The following CACNA1G variants were observed in gnomAD, a reference collection of about 807,000 sequenced individuals.
CACNA1G encodes the protein calcium voltage-gated channel subunit alpha1 G.
CACNA1G carries 67 observed loss-of-function variants against 219.4 expected under a neutral mutation model. The observed-to-expected ratio is 0.31, with a 90% confidence interval of 0.25 to 0.37. CACNA1G has a LOEUF of 0.37. CACNA1G is among the 10% of genes least tolerant of loss of function. The pLI, the probability that CACNA1G is intolerant of heterozygous loss-of-function variation, is 1.00. For missense variants in CACNA1G, 2,380 were observed against 3,231.4 expected (o/e 0.74, Z 6.39); for synonymous variants, 1,296 against 1,345.3 (o/e 0.96, Z 0.80).
chr17:50,563,126 T>G (rs927093695), intron 1 of CACNA1G: 1 of 152,388 alleles, frequency 6.6e-6, no homozygotes, highest in African/African-American at 2.4e-5. Context: ...GCCCTCACTC[T>G]CTGCAGCTCT....
intron 26 of CACNA1G, among the ~76,000 whole-genome samples, chr17:50,614,487 G>A: frequency 6.6e-6 from 1 of 152,176 alleles, no homozygotes; most frequent in East Asian, 1.9e-4. Context: ...CTGGAAGAGG[G>A]CCCCCCTGAA....
intron 7 of CACNA1G, chr17:50,573,572 T>A (rs1188241923): frequency 6.5e-6 from 1 of 154,956 alleles, no homozygotes; most frequent in Admixed American, 6.3e-5. Flanking sequence ...TTCTGTTTTT[T>A]TGTAAGGACA....
intron 7 of CACNA1G, among the ~76,000 whole-genome samples, chr17:50,574,569 C>T (rs1244527571): frequency 6.6e-6 from 1 of 152,134 alleles, no homozygotes; most frequent in Non-Finnish European, 1.5e-5. Flanking sequence ...ATGTGCCCCC[C>T]CCACCCCCAC....
In CACNA1G at chr17:50,617,665, G is replaced by T. The variant is rs2050871170; in HGVS notation, c.5155+94G>T. ...TTTGTGGCTGGTCAAGGCCTGGGCG[G>T]CTGTGGGTTCCCATGGGTCTTTCTC... On this transcript the variant is annotated intron_variant, in intron 29 of 37. Coordinates refer to ENST00000359106, the MANE Select transcript of CACNA1G (RefSeq NM_018896.5). This position sits in a 1 kb window ranked among gnomAD's most constrained non-coding sequence, Gnocchi z 5.8. 6 of 1,506,774 alleles carry T rather than the reference G, an allele frequency of 4.0e-6. No homozygotes were observed. The Admixed American group carries it at 1.2e-4, about 30-fold the overall frequency. The allele number at this position is 1,506,774 out of a possible 1,614,324, so 93.3% of individuals were successfully genotyped here.
chr17:50,561,741 G>A (rs757166143), intron 1 of CACNA1G, 40 bp downstream of exon 1: 12 of 1,516,064 alleles, frequency 7.9e-6, no homozygotes, highest in African/African-American at 1.4e-5. Flanking sequence ...GGGGTCAGAA[G>A]GGGGACGGGC....
Position 50,617,596 on chromosome 17 carries a change from C to T in CACNA1G, c.5155+25C>T. The T allele has an allele frequency of 6.2e-7, 1 of 1,611,182 alleles. No individual in the cohort carries two copies. The highest frequency in any genetic ancestry group is 1.3e-5 in the African/African-American group (1 of 75,010). ...GGTTGGTGCCCAGCCCACGCACCTGCCCTCCTAGGGTGACCAGCCCAGGGA... is the reference window on the plus strand; with the variant it reads ...GGTTGGTGCCCAGCCCACGCACCTGTCCTCCTAGGGTGACCAGCCCAGGGA... On this transcript the variant is annotated intron_variant, in intron 29 of 37. Transcript: ENST00000359106. This position sits in a 1 kb window ranked among gnomAD's most constrained non-coding sequence, Gnocchi z 5.8.
intron 25 of CACNA1G, among the ~76,000 whole-genome samples, chr17:50,608,970 C>A (rs1458339300): frequency 1.3e-5 from 2 of 152,152 alleles, no homozygotes; most frequent in African/African-American, 4.8e-5. Context: ...TTTATCTAAG[C>A]CTTTGTGTGT....
Position 50,594,640 on chromosome 17 carries a change from C to T in CACNA1G, c.2911-353C>T, listed in dbSNP as rs1478966360. On this transcript the variant is annotated intron_variant, in intron 13 of 37. Coordinates refer to ENST00000359106, the MANE Select transcript of CACNA1G (RefSeq NM_018896.5). ...TGTAAGATGGCGATCCTGGAACCCA[C>T]TTCCTACCTTGCAAGGAAGCCAGCT... Among the ~76,000 whole-genome samples the T allele has an allele frequency of 3.3e-5, 5 of 152,304 alleles. No individual in the cohort carries two copies. The South Asian group carries it at 6.2e-4, about 19-fold the overall frequency.
rs577819505 is a variant in CACNA1G at position 50,590,356 on chromosome 17, C to T, written c.2302-115C>T. 4.3e-5 allele frequency: 51 copies of T among 1,194,488 alleles called. No individual in the cohort carries two copies. The African/African-American group carries it at 6.8e-4, about 16-fold the overall frequency. The allele number at this position is 1,194,488 out of a possible 1,614,324, so 74.0% of individuals were successfully genotyped here. A position where few individuals can be genotyped will look rare whatever the true frequency, so the allele number is the denominator to read the frequency against. ...CATGGGCCTGAGCATCCAGCAACCC[C>T]TCCGCACAAGCTTGCTATTCCTGCT... On this transcript the variant is annotated intron_variant, in intron 9 of 37. Transcript: ENST00000359106.
chr17:50,611,201 C>A (rs1364544687), intron 26 of CACNA1G, among the ~76,000 whole-genome samples: 1 of 150,476 alleles, frequency 6.6e-6, no homozygotes, highest in Non-Finnish European at 1.5e-5. Flanking sequence ...TTGCAGTGAG[C>A]CGAGATCACG....
intron 26 of CACNA1G, among the ~76,000 whole-genome samples, chr17:50,611,252 T>TAAA (rs11291581): frequency 7.7e-6 from 1 of 129,718 alleles, no homozygotes; most frequent in Admixed American, 7.8e-5. Flanking sequence ...AGACTCCATT[T>TAAA]AAAAAAAAAA....
chr17:50,624,324 T>TGCCCC, intron 36 of CACNA1G, 36 bp from the exon 37 acceptor site: 53 of 1,177,520 alleles, frequency 4.5e-5, no homozygotes, highest in East Asian at 5.4e-5. Flanking sequence ...CTCCATTCTC[T>TGCCCC]CCCCCCACCC....
At chr17:50,598,372 A>G (rs962023410) in intron 16 of CACNA1G, among the ~76,000 whole-genome samples, 17 of 152,250 alleles carry the variant, frequency 1.1e-4, no homozygotes, top group Admixed American at 6.5e-5. Flanking sequence ...TACTAGGTTG[A>G]TTCCATATAT....
In CACNA1G at chr17:50,599,717, T is replaced by C. The variant is rs1477158578; in HGVS notation, c.3548T>C (p.Leu1183Pro). 6.2e-7 allele frequency: 1 copy of C among 1,613,540 alleles called. No homozygotes were observed. The highest frequency in any genetic ancestry group is 1.1e-5 in the South Asian group (1 of 90,996). Residue 1183 changes from leucine (L) to proline (P), a missense_variant, in exon 17 of 38, where the codon CTG (leucine) becomes CCG (proline). This residue lies in a region of CACNA1G where 418 missense variants were observed against 434.3 expected (regional missense o/e 0.96). Transcript: ENST00000359106. ...DLPDTLQVPG[L>P]HRTASGRGSA... ...CCAGACACACTGCAGGTGCCAGGGC[T>C]GCATCGCACTGCCAGTGGCCGAGGG...
chr17:50,614,008 CG>C (rs2049875595), intron 26 of CACNA1G, among the ~76,000 whole-genome samples: 1 of 152,234 alleles, frequency 6.6e-6, no homozygotes, highest in Admixed American at 6.5e-5. Context: ...AGCAGAGTGC[CG>C]GGGACTGTCT....
chr17:50,615,429 A>G lies in CACNA1G; in HGVS notation c.4828A>G (p.Ser1610Gly). 2 of 1,613,478 alleles carry G rather than the reference A, an allele frequency of 1.2e-6. No homozygotes were observed. The part of the protein sequence containing the change: ...FRLLVHHLCT[S>G]HYLDLFITGV... ...GCTCCTCGTCCACCACTTGTGCACC[A>G]GCCACTACCTGGACCTCTTCATCAC... The change falls in exon 27 of 38, where the codon AGC (serine) becomes GGC (glycine). Residue 1610 changes from serine to glycine, a missense_variant. This residue lies in a region of CACNA1G where 123 missense variants were observed against 258.4 expected (regional missense o/e 0.48). Coordinates refer to ENST00000359106, the MANE Select transcript of CACNA1G (RefSeq NM_018896.5).
chr17:50,594,849 C>T lies in CACNA1G; in HGVS notation c.2911-144C>T, dbSNP rs953398158. ...GAAGGCTGTTCTGTCCCCTCTCTGC[C>T]CCCCCATTCCCCGTGTCTCTCAGTT... On this transcript the variant is annotated intron_variant, in intron 13 of 37. Coordinates refer to ENST00000359106, the MANE Select transcript of CACNA1G (RefSeq NM_018896.5). The T allele has an allele frequency of 2.9e-5, 18 of 626,142 alleles. No homozygotes were observed. In the East Asian group the frequency reaches 4.4e-4, roughly 15 times the overall value. The allele number at this position is 626,142 out of a possible 1,614,324, so 38.8% of individuals were successfully genotyped here.
Position 50,626,405 on chromosome 17 carries a change from A to G in CACNA1G, c.6788A>G (p.Asp2263Gly). 6.2e-7 allele frequency: 1 copy of G among 1,611,138 alleles called. No homozygotes were observed. The highest frequency in any genetic ancestry group is 8.5e-7 in the Non-Finnish European group (1 of 1,179,068). Reference protein sequence around the residue: ...SCQRRPTSWLDEQRRHSIAVS... With the variant: ...SCQRRPTSWLGEQRRHSIAVS... ...CAGCGCCGGCCTACGTCCTGGCTGG[A>G]TGAGCAGAGGAGACACTCTATCGCC... The change falls in exon 38 of 38, where the codon GAT becomes GGT. Residue 2263 changes from aspartate (D) to glycine (G), a missense_variant. Coordinates refer to ENST00000359106, the MANE Select transcript of CACNA1G (RefSeq NM_018896.5). The surrounding 1 kb of genome is among the most constrained non-coding windows in gnomAD (Gnocchi z 4.3).
intron 13 of CACNA1G, among the ~76,000 whole-genome samples, chr17:50,592,859 C>G (rs1291352248): frequency 6.6e-6 from 1 of 152,166 alleles, no homozygotes; most frequent in Admixed American, 6.5e-5. Flanking sequence ...TGGTCCAGTT[C>G]TCTCTGGGTG....
Sources: allele counts gnomAD v4.1 joint callset (sites outside exome capture counted in the v4.1 genomes callset), GRCh38; gene constraint gnomAD v4.1.1; regional missense constraint gnomAD v4.1.1; non-coding constraint Gnocchi (gnomAD v3.1); transcripts MANE v1.5; gene names NCBI Gene and HGNC (gene_info 2026-07-23, HGNC 2026-07-21).